Variants in NIPAL2 observed in about 807,000 individuals in gnomAD.
The protein encoded by NIPAL2 is NIPA like domain containing 2, also known as NIPA-like protein 2.
A neutral mutation model predicts 48.9 loss-of-function variants in NIPAL2; 43 were observed. The observed-to-expected ratio is 0.88, with a 90% CI of 0.69 to 1.13. NIPAL2 has a LOEUF of 1.13. Among genes scored for constraint, NIPAL2 ranks in the 50% most tolerant of loss-of-function variants. The pLI is 0.00. For synonymous variants in NIPAL2, 167 were observed against 174.6 expected (o/e 0.96, Z 0.34); for missense variants, 446 against 461.4 (o/e 0.97, Z 0.31).
chr8:98,239,215 T>C (rs141348581), intron 3 of NIPAL2, among the ~76,000 whole-genome samples: 155 of 152,302 alleles, frequency 1.0e-3, no homozygotes, highest in African/African-American at 3.5e-3. Flanking sequence ...AACTTGATAA[T>C]TGGGAAACTG....
At chr8:98,250,301 T>G (rs181149764) in intron 3 of NIPAL2, among the ~76,000 whole-genome samples, 1 of 152,290 alleles carries the variant, frequency 6.6e-6, no homozygotes, top group African/African-American at 2.4e-5. Flanking sequence ...GTGGATTTTC[T>G]GCTTCATCTG....
chr8:98,218,270 T>C (rs1046208420), intron 5 of NIPAL2, among the ~76,000 whole-genome samples: 3 of 152,338 alleles, frequency 2.0e-5, no homozygotes, highest in African/African-American at 7.2e-5. Context: ...AATAATTTGT[T>C]GGTAAGGCTT....
At chr8:98,243,498 C>T (rs940057631) in intron 3 of NIPAL2, among the ~76,000 whole-genome samples, 6 of 152,298 alleles carry the variant, frequency 3.9e-5, no homozygotes, top group East Asian at 1.9e-4. Flanking sequence ...AATCAACCCT[C>T]GGTTTGTCCT....
intron 4 of NIPAL2, among the ~76,000 whole-genome samples, chr8:98,229,264 C>T (rs896721188): frequency 1.3e-5 from 2 of 152,220 alleles, no homozygotes; most frequent in Non-Finnish European, 2.9e-5. Flanking sequence ...TAAATAAAAC[C>T]TCTCCCTATA....
rs757171225 is a variant in NIPAL2, at chr8:98,195,993, T to TA, written c.892dup (p.Tyr298LeufsTer44). On this transcript the variant is annotated frameshift_variant, in exon 9 of 11. Coordinates refer to ENST00000430223, the MANE Select transcript of NIPAL2 (RefSeq NM_001321635.2). LOFTEE classifies it high-confidence loss of function. ...AAAAGGAGCACCAAGGAATTCCTGA[T>TA]AAAATATGATACCTGTAACACAGGA... 3 of 1,584,314 alleles carry TA rather than the reference T, an allele frequency of 1.9e-6. No individual in the cohort carries two copies. The South Asian group carries it at 3.4e-5, about 18-fold the overall frequency.
intron 8 of NIPAL2, among the ~76,000 whole-genome samples, chr8:98,201,395 T>G (rs967517573): frequency 6.6e-6 from 1 of 152,140 alleles, no homozygotes; most frequent in Admixed American, 6.6e-5. Context: ...TTAACTTTTA[T>G]TTTTTTAGAG....
At chr8:98,285,472 T>C (rs548027602) in intron 1 of NIPAL2, among the ~76,000 whole-genome samples, 32 of 152,250 alleles carry the variant, frequency 2.1e-4, no homozygotes, top group Admixed American at 3.3e-4. Context: ...TTTTCACTAG[T>C]GGTTGAGAAA....
intron 3 of NIPAL2, among the ~76,000 whole-genome samples, chr8:98,243,926 T>G (rs2514330): frequency 0.048 from 7,317 of 152,296 alleles, 213 homozygotes; most frequent in African/African-American, 0.08. Flanking sequence ...TAATGGTACA[T>G]AAGACTGTTC....
chr8:98,211,673 A>AATG (rs1811319343), intron 6 of NIPAL2, among the ~76,000 whole-genome samples: 2 of 150,970 alleles, frequency 1.3e-5, no homozygotes, highest in South Asian at 4.2e-4. Context: ...GAATTTCCTA[A>AATG]ATGATTAGTG....
Position 98,195,992 on chromosome 8 carries a change from A to T in NIPAL2, c.894T>A (p.Tyr298Ter), listed in dbSNP as rs1219168201. Residue 298 changes from tyrosine to a stop codon, truncating the protein, a stop_gained, in exon 9 of 11, where the codon TAT becomes TAA. Transcript: ENST00000430223. LOFTEE classifies it high-confidence loss of function. ...ISAIIAGIIFYQEFLGAPFLT... is the reference protein window; with the variant it reads ...ISAIIAGIIF ...GAAAAGGAGCACCAAGGAATTCCTG[A>T]TAAAATATGATACCTGTAACACAGG... The T allele has an allele frequency of 6.3e-7, 1 of 1,584,700 alleles. No homozygotes were observed. The highest frequency in any genetic ancestry group is 1.1e-5 in the South Asian group (1 of 88,750).
intron 4 of NIPAL2, among the ~76,000 whole-genome samples, chr8:98,224,755 C>CTTTTTTTTTTTTTTTTTTTTTTTTTTTTT (rs371936351): frequency 8.1e-6 from 1 of 123,768 alleles, no homozygotes; most frequent in Non-Finnish European, 1.6e-5. Flanking sequence ...TCTTTCTTTT[C>CTTTTTTTTTTTTTTTTTTTTTTTTTTTTT]TTTTTTTTTT....
At chr8:98,208,860 T>G (rs909910370) in intron 6 of NIPAL2, among the ~76,000 whole-genome samples, 6 of 152,170 alleles carry the variant, frequency 3.9e-5, no homozygotes, top group African/African-American at 1.4e-4. Context: ...TTAATTCCAT[T>G]TTTTATCAAT....
At chr8:98,250,709 T>C (rs1440072509) in intron 3 of NIPAL2, among the ~76,000 whole-genome samples, 2 of 152,158 alleles carry the variant, frequency 1.3e-5, no homozygotes, top group African/African-American at 4.8e-5. Flanking sequence ...AGCCCATCTG[T>C]CAAGGCAGTG....
At chr8:98,269,354 A>G (rs1301111887) in intron 1 of NIPAL2, among the ~76,000 whole-genome samples, 1 of 152,222 alleles carries the variant, frequency 6.6e-6, no homozygotes, top group East Asian at 1.9e-4. Context: ...AACTAATATG[A>G]CTTGAAAGTC....
At chr8:98,253,689 G>A (rs1057143143) in intron 2 of NIPAL2, among the ~76,000 whole-genome samples, 2 of 152,098 alleles carry the variant, frequency 1.3e-5, no homozygotes, top group African/African-American at 4.8e-5. Flanking sequence ...TGGGGTAAAG[G>A]CTATGGAAGA....
At chr8:98,259,945 T>C (rs750182705) in intron 1 of NIPAL2, among the ~76,000 whole-genome samples, 2 of 152,226 alleles carry the variant, frequency 1.3e-5, no homozygotes, top group African/African-American at 2.4e-5. Context: ...AAAGCACTCA[T>C]TGATGGTTGT....
chr8:98,241,607 T>C (rs947037356), intron 3 of NIPAL2, among the ~76,000 whole-genome samples: 1 of 152,160 alleles, frequency 6.6e-6, no homozygotes, highest in African/African-American at 2.4e-5. Flanking sequence ...TTTTTCATAG[T>C]GGAAAACTGG....
chr8:98,193,231 C>G, intron 10 of NIPAL2, 141 bp from the exon 11 acceptor site: 1 of 1,072,560 alleles, frequency 9.3e-7, no homozygotes, highest in Non-Finnish European at 1.4e-6. Context: ...AGATGAATAT[C>G]AAGGAAGAAA....
At position 98,294,173 on chromosome 8, in the gene NIPAL2, G is replaced by T; in HGVS notation, c.-36C>A. On this transcript the variant is annotated 5_prime_UTR_variant, in exon 1 of 11. Coordinates refer to ENST00000430223, the MANE Select transcript of NIPAL2 (RefSeq NM_001321635.2). ...TCCCGGCGCTCGGGCTCCGGCTCGG[G>T]CTGCGGCCGCCTCCCCGCCCTGTTG... 7.6e-7 allele frequency: 1 copy of T among 1,318,866 alleles called. No homozygotes were observed. The allele number at this position is 1,318,866 out of a possible 1,614,324, so 81.7% of individuals were successfully genotyped here.
Sources: gnomAD v4.1 joint callset for allele counts (sites outside exome capture counted in the v4.1 genomes callset) on GRCh38, gnomAD v4.1.1 for gene constraint, MANE v1.5 for transcripts, NCBI Gene and HGNC (gene_info 2026-07-23, HGNC 2026-07-21) for gene names.